GLS: variants seen among roughly 807,000 people sequenced by gnomAD.
GLS encodes glutaminase kidney isoform, mitochondrial.
A neutral mutation model predicts 86.7 loss-of-function variants in GLS; 36 were observed. The observed-to-expected ratio is 0.42, with a 90% CI of 0.32 to 0.55. The LOEUF is 0.55. Among genes scored for constraint, GLS ranks in the 20% least tolerant of loss-of-function variants. The probability of loss-of-function intolerance (pLI) is 0.17; values close to 1 mark genes in which losing one functional copy is unlikely to be tolerated. For synonymous variants in GLS, 317 were observed against 305.9 expected (o/e 1.04, Z -0.38); for missense variants, 528 against 833.4 (o/e 0.63, Z 4.51).
At chr2:190,911,998 C>T (rs1689377771) in intron 7 of GLS, among the ~76,000 whole-genome samples, 1 of 152,082 alleles carries the variant, frequency 6.6e-6, no homozygotes, top group Non-Finnish European at 1.5e-5. Flanking sequence ...ACAGACTACA[C>T]CGAAATGCTG....
intron 1 of GLS, among the ~76,000 whole-genome samples, chr2:190,882,604 T>G (rs1020647124): frequency 2.6e-5 from 4 of 152,210 alleles, no homozygotes; most frequent in Non-Finnish European, 4.4e-5. Flanking sequence ...AATTTCAATC[T>G]CACGCCTGCT....
chr2:190,892,018 G>A (rs1688579978), intron 1 of GLS, among the ~76,000 whole-genome samples: 1 of 152,108 alleles, frequency 6.6e-6, no homozygotes, highest in African/African-American at 2.4e-5. Flanking sequence ...TTAGACCACA[G>A]TGAAGTAGTT....
Position 190,964,366 on chromosome 2 carries a change from CTG to C in GLS, c.*1384_*1385del, listed in dbSNP as rs1691073341. 6.6e-6 allele frequency: 1 copy of C among 152,144 alleles called. No homozygotes were observed. The highest frequency in any genetic ancestry group is 1.5e-5 in the Non-Finnish European group (1 of 68,018). The allele number at this position is 152,144 out of a possible 1,614,324, so 9.4% of individuals were successfully genotyped here. A position where few individuals can be genotyped will look rare whatever the true frequency, so the allele number is the denominator to read the frequency against. ...TGCACACAAATGGACTTCTCTGAAG[CTG>C]TGTTTAGTGAAATGAGCTCAAGTAC... On this transcript the variant is annotated 3_prime_UTR_variant, in exon 18 of 18. Coordinates refer to ENST00000320717, the MANE Select transcript of GLS (RefSeq NM_014905.5). The surrounding 1 kb of genome is among the most constrained non-coding windows in gnomAD (Gnocchi z 5.2).
At chr2:190,882,533 T>G (rs1688238682) in intron 1 of GLS, among the ~76,000 whole-genome samples, 1 of 152,238 alleles carries the variant, frequency 6.6e-6, no homozygotes, top group South Asian at 2.1e-4. Context: ...CCCTTTTATT[T>G]CTGCTGCTAT....
At chr2:190,952,956 A>G (rs1394303117) in intron 14 of GLS, among the ~76,000 whole-genome samples, 1 of 152,178 alleles carries the variant, frequency 6.6e-6, no homozygotes, top group African/African-American at 2.4e-5. Context: ...AGGTGACTTA[A>G]TATTTTGGAG....
rs908741039 is a variant in GLS, at chr2:190,897,120, C to T, written c.605+1395C>T. ...CTTGGCTCACTACAACCTCTGCCTC[C>T]CGGGTTCAAGTGATTCTCCCACCTA... On this transcript the variant is annotated intron_variant, in intron 3 of 17. Transcript: ENST00000320717. The surrounding 1 kb of genome is among the most constrained non-coding windows in gnomAD (Gnocchi z 4.3). 3.3e-5 allele frequency among the ~76,000 whole-genome samples: 5 copies of T among 151,940 alleles called. No individual in the cohort carries two copies. Among genetic ancestry groups the T allele is most frequent in the Admixed American group, 3.3e-4 (5 of 15,240 alleles).
intron 1 of GLS, among the ~76,000 whole-genome samples, chr2:190,882,988 C>T (rs1688255078): frequency 6.6e-6 from 1 of 152,180 alleles, no homozygotes; most frequent in Admixed American, 6.5e-5. Context: ...TTGCAAAATG[C>T]AGTCACAACC....
intron 6 of GLS, among the ~76,000 whole-genome samples, chr2:190,906,228 A>T (rs1453038586): frequency 6.6e-6 from 1 of 152,186 alleles, no homozygotes; most frequent in East Asian, 1.9e-4. Flanking sequence ...AAGAATTAAT[A>T]CTGTTATTCT....
chr2:190,896,546 T>C (rs1277081527), intron 3 of GLS: 1 of 152,226 alleles, frequency 6.6e-6, no homozygotes, highest in Non-Finnish European at 1.5e-5. Context: ...TGTATGGTTG[T>C]ATTTACTTTT....
chr2:190,913,351 A>G lies in GLS; in HGVS notation c.1038+3030A>G, dbSNP rs1241894363. On this transcript the variant is annotated intron_variant, in intron 7 of 17. Coordinates refer to ENST00000320717, the MANE Select transcript of GLS (RefSeq NM_014905.5). The surrounding 1 kb of genome is among the most constrained non-coding windows in gnomAD (Gnocchi z 6.1). ...AAAACTCCAATATTTAAAATTTTAA[A>G]CAAAGCTATATAGGTAAATACCTTT... 1.7e-6 allele frequency: 2 copies of G among 1,150,406 alleles called. No individual in the cohort carries two copies. Among genetic ancestry groups the G allele is most frequent in the Non-Finnish European group, 2.2e-6 (2 of 895,078 alleles). The allele number at this position is 1,150,406 out of a possible 1,614,324, so 71.3% of individuals were successfully genotyped here.
intron 6 of GLS, among the ~76,000 whole-genome samples, chr2:190,907,753 G>C (rs377685842): frequency 6.6e-6 from 1 of 152,168 alleles, no homozygotes; most frequent in Non-Finnish European, 1.5e-5. Flanking sequence ...TTCCTTGTCT[G>C]TATTGTTAAC....
chr2:190,885,197 A>AT (rs11377483), intron 1 of GLS, among the ~76,000 whole-genome samples: 15,963 of 147,686 alleles, frequency 0.11, 1,218 homozygotes, highest in Admixed American at 0.27. Context: ...TGAAAATTGA[A>AT]TTTTTTTTTT....
At chr2:190,936,541 G>A (rs924086476) in intron 14 of GLS, among the ~76,000 whole-genome samples, 2 of 150,972 alleles carry the variant, frequency 1.3e-5, no homozygotes, top group Non-Finnish European at 3.0e-5. Context: ...AATTGGTAAA[G>A]TATAACATAC....
intron 7 of GLS, among the ~76,000 whole-genome samples, chr2:190,915,691 A>T (rs1462473036): frequency 3.3e-5 from 5 of 152,184 alleles, no homozygotes; most frequent in African/African-American, 1.2e-4. Flanking sequence ...CAAAAGAAAG[A>T]CATAGTCTCA....
chr2:190,884,000 G>A lies in GLS; in HGVS notation c.386+2530G>A, dbSNP rs374056265. Among the ~76,000 whole-genome samples the A allele has an allele frequency of 2.5e-4, 38 of 152,208 alleles. 1 individual carries two copies. In the East Asian group the frequency reaches 4.8e-3, roughly 19 times the overall value. On this transcript the variant is annotated intron_variant, in intron 1 of 17. Transcript: ENST00000320717. ...CTTTAGTGTGGTTTAGGATACGAAC[G>A]TCTTAATATCACATAGAAAAATTTA...
intron 11 of GLS, among the ~76,000 whole-genome samples, chr2:190,925,033 T>G (rs1689854481): frequency 6.6e-6 from 1 of 152,230 alleles, no homozygotes; most frequent in Admixed American, 6.5e-5. Context: ...TAAAAGGCAG[T>G]CTCATGTCCA....
chr2:190,886,537 A>C (rs993167069), intron 1 of GLS, among the ~76,000 whole-genome samples: 1 of 152,218 alleles, frequency 6.6e-6, no homozygotes, highest in African/African-American at 2.4e-5. Flanking sequence ...GAGGGGGGGC[A>C]CTATTTTAGT....
chr2:190,918,678 CT>C (rs1234503368), intron 7 of GLS, among the ~76,000 whole-genome samples: 2 of 152,148 alleles, frequency 1.3e-5, no homozygotes, highest in South Asian at 4.1e-4. Flanking sequence ...AGAGGCTCAA[CT>C]TTTGGTCTGT....
rs114054881 is a variant in GLS, at chr2:190,939,838, G to A, written c.1650+8201G>A. Among the ~76,000 whole-genome samples the A allele has an allele frequency of 5.4e-3, 814 of 151,600 alleles. 8 individuals carry two copies. The highest frequency in any genetic ancestry group is 0.019 in the African/African-American group (771 of 41,450). On this transcript the variant is annotated intron_variant, in intron 14 of 17. Transcript: ENST00000320717. ...AATTCCACCCAAGTTCTGTTGTTTTGTTCTTTCTCACAGTCATTCCAAATT... is the reference window on the plus strand; with the variant it reads ...AATTCCACCCAAGTTCTGTTGTTTTATTCTTTCTCACAGTCATTCCAAATT...
Sources: gnomAD v4.1 joint callset for allele counts (sites outside exome capture counted in the v4.1 genomes callset) on GRCh38, gnomAD v4.1.1 for gene constraint, Gnocchi (gnomAD v3.1) non-coding constraint, MANE v1.5 for transcripts, NCBI Gene and HGNC (gene_info 2026-07-23, HGNC 2026-07-21) for gene names.